INO80D: variants seen among roughly 807,000 people sequenced by gnomAD.
INO80D encodes INO80 complex subunit D.
INO80D carries 21 observed loss-of-function variants against 87.6 expected under a neutral mutation model. The ratio of observed to expected loss-of-function variants is 0.24; its 90% CI spans 0.17 to 0.35. The LOEUF is 0.35. Among genes scored for constraint, INO80D ranks in the 10% least tolerant of loss-of-function variants. The pLI, the probability that INO80D is intolerant of heterozygous loss-of-function variation, is 1.00. For synonymous variants in INO80D, 440 were observed against 491.0 expected (o/e 0.90, Z 1.37); for missense variants, 982 against 1,280.7 (o/e 0.77, Z 3.56).
At position 206,056,482 on chromosome 2, in the gene INO80D, C is replaced by A. The variant is rs769641630; in HGVS notation, c.680G>T (p.Gly227Val). ...AGGTTGAGGTGACTTGCAGACTGAA[C>A]CCTGCGGTGGCGCTGGAGGTTTTAA... is the stretch of plus-strand genomic sequence containing the variant. ...TSLKPPAPPQ[G>V]SVCKSPQPQN... Residue 227 changes from glycine to valine, a missense_variant, in exon 4 of 11, where the codon GGT becomes GTT. Physicochemically the swap from Gly to Val is moderately radical, Grantham distance 109. Coordinates refer to ENST00000403263, the MANE Select transcript of INO80D (RefSeq NM_017759.5). 75 of 1,613,776 alleles carry A rather than the reference C, an allele frequency of 4.6e-5. No homozygotes were observed. The highest frequency in any genetic ancestry group is 2.2e-4 in the South Asian group (20 of 91,074).
At chr2:206,014,564 T>C (rs1402103186) in intron 8 of INO80D, among the ~76,000 whole-genome samples, 3 of 152,182 alleles carry the variant, frequency 2.0e-5, no homozygotes, top group African/African-American at 4.8e-5. Flanking sequence ...ATGTGACTTG[T>C]CCCTCCTTGC....
intron 7 of INO80D, 110 bp downstream of exon 7, chr2:206,019,619 TTTAAACA>T: frequency 1.5e-6 from 1 of 663,794 alleles, no homozygotes; most frequent in Non-Finnish European, 2.4e-6. Context: ...ATAAAATTAT[TTTAAACA>T]TTAAACAGTT....
intron 1 of INO80D, among the ~76,000 whole-genome samples, chr2:206,072,823 T>C (rs774483294): frequency 6.6e-6 from 1 of 151,574 alleles, no homozygotes; most frequent in Non-Finnish European, 1.5e-5. Flanking sequence ...TGTAATAATT[T>C]TATAAAAATC....
At chr2:206,024,486 T>C (rs1688549345) in intron 6 of INO80D, among the ~76,000 whole-genome samples, 1 of 150,776 alleles carries the variant, frequency 6.6e-6, no homozygotes, top group Non-Finnish European at 1.5e-5. Context: ...TCAGGCAAGG[T>C]GATTTGGGTG....
intron 4 of INO80D, among the ~76,000 whole-genome samples, chr2:206,055,404 C>CTGTATT (rs1360671688): frequency 1.3e-5 from 2 of 152,172 alleles, no homozygotes; most frequent in Admixed American, 6.5e-5. Flanking sequence ...CAAGTTTTCC[C>CTGTATT]TGTATTTTCT....
At position 206,004,342 on chromosome 2, in the gene INO80D, A is replaced by C. The variant is rs1575787074; in HGVS notation, c.*26T>G. 6.4e-7 allele frequency: 1 copy of C among 1,556,552 alleles called. No individual in the cohort carries two copies. The highest frequency in any genetic ancestry group is 1.2e-5 in the South Asian group (1 of 84,902). ...AAAGATAGAAAACACTGGGTTCCCC[A>C]CCTGCCTGCAAACACACAGACACCC... On this transcript the variant is annotated 3_prime_UTR_variant, in exon 11 of 11. Coordinates refer to ENST00000403263, the MANE Select transcript of INO80D (RefSeq NM_017759.5). The surrounding 1 kb of genome is among the most constrained non-coding windows in gnomAD (Gnocchi z 4.9).
chr2:206,007,832 AC>A (rs113884481), intron 9 of INO80D: 90,715 of 147,348 alleles, frequency 0.62, 28,359 homozygotes, highest in South Asian at 0.8. Flanking sequence ...AAAAAAAAAA[AC>A]AACCAAAATC....
chr2:206,019,855 G>T lies in INO80D; in HGVS notation c.1299-10C>A. Reference sequence around the variant, plus strand: ...CTTGGTCCGGCTTATGCTAAGGAAAGAAAAACAGAGAATTAATTTTTTTTT... The same window carrying T: ...CTTGGTCCGGCTTATGCTAAGGAAATAAAAACAGAGAATTAATTTTTTTTT... On this transcript the variant is annotated splice_polypyrimidine_tract_variant and intron_variant, in intron 6 of 10. Coordinates refer to ENST00000403263, the MANE Select transcript of INO80D (RefSeq NM_017759.5). 1 of 1,599,026 alleles carries T rather than the reference G, an allele frequency of 6.3e-7. No individual in the cohort carries two copies. The highest frequency in any genetic ancestry group is 8.5e-7 in the Non-Finnish European group (1 of 1,171,550).
chr2:206,013,180 G>A (rs1161018290), intron 8 of INO80D, among the ~76,000 whole-genome samples: 1 of 152,008 alleles, frequency 6.6e-6, no homozygotes, highest in Non-Finnish European at 1.5e-5. Context: ...TTGCCTCATT[G>A]AATTTGCCTA....
intron 8 of INO80D, among the ~76,000 whole-genome samples, chr2:206,011,472 C>G (rs977729017): frequency 6.6e-6 from 1 of 152,214 alleles, no homozygotes; most frequent in East Asian, 1.9e-4. Context: ...CCCCCACCCC[C>G]TGAGGCTTTC....
rs1241646256 is a variant in INO80D, at chr2:206,003,921, G to A, written c.*447C>T. The A allele has an allele frequency of 2.2e-5, 4 of 181,766 alleles. No individual in the cohort carries two copies. Among genetic ancestry groups the A allele is most frequent in the Non-Finnish European group, 3.6e-5 (3 of 83,730 alleles). 11.3% of individuals were successfully genotyped at this position (181,766 alleles called of 1,614,324 possible). On this transcript the variant is annotated 3_prime_UTR_variant, in exon 11 of 11. Coordinates refer to ENST00000403263, the MANE Select transcript of INO80D (RefSeq NM_017759.5). The stretch of plus-strand genomic sequence containing the variant: ...TGGTGCTAGGTCAGAATCTTGACCT[G>A]CCACACACCATTTGCTGTCTCTTAT...
intron 1 of INO80D, among the ~76,000 whole-genome samples, chr2:206,073,204 A>G (rs1047324977): frequency 2.0e-5 from 3 of 152,188 alleles, no homozygotes; most frequent in African/African-American, 4.8e-5. Context: ...AAACAGATCA[A>G]TATCTGGTCT....
chr2:206,065,836 A>T (rs570637610), intron 1 of INO80D, among the ~76,000 whole-genome samples: 2 of 152,330 alleles, frequency 1.3e-5, no homozygotes, highest in South Asian at 2.1e-4. Context: ...AAATTGGGGT[A>T]AGGTATCCTC....
intron 3 of INO80D, among the ~76,000 whole-genome samples, chr2:206,057,249 T>C (rs1315486424): frequency 1.3e-5 from 2 of 152,206 alleles, no homozygotes; most frequent in Non-Finnish European, 2.9e-5. Context: ...TTATTCTCTA[T>C]TCATAGCATA....
chr2:205,998,420 G>A lies in INO80D; in HGVS notation c.*5948C>T. On this transcript the variant is annotated 3_prime_UTR_variant, in exon 11 of 11. Coordinates refer to ENST00000403263, the MANE Select transcript of INO80D (RefSeq NM_017759.5). ...CACCTTGACACGGCAGAGATCCAGT[G>A]TAAAAAGGTGCTTCACTAGTTTGTT... The A allele has an allele frequency of 7.8e-6, 1 of 128,246 alleles. No homozygotes were observed. The highest frequency in any genetic ancestry group is 2.8e-4 in the South Asian group (1 of 3,596). 7.9% of individuals were successfully genotyped at this position (128,246 alleles called of 1,614,324 possible). A position where few individuals can be genotyped will look rare whatever the true frequency, so the allele number is the denominator to read the frequency against.
rs111836331 is a variant in INO80D, at chr2:206,084,240, TACACACACACAC to T, written c.-124+1649_-124+1660del. ...TTTTTTTTCGTTTAAATGTTATACATACACACACACACACACACACACACACACACACACCCC... is the reference window on the plus strand; with the variant it reads ...TTTTTTTTCGTTTAAATGTTATACATACACACACACACACACACACACCCC... On this transcript the variant is annotated intron_variant, in intron 1 of 10. Coordinates refer to ENST00000403263, the MANE Select transcript of INO80D (RefSeq NM_017759.5). 3.7e-5 allele frequency among the ~76,000 whole-genome samples: 5 copies of T among 135,050 alleles called. No individual in the cohort carries two copies. The East Asian group carries it at 6.3e-4, about 17-fold the overall frequency. The allele number at this position is 135,050 out of a possible 152,430, so 88.6% of individuals were successfully genotyped here. A position where few individuals can be genotyped will look rare whatever the true frequency, so the allele number is the denominator to read the frequency against.
chr2:206,033,683 A>G (rs1688825037), intron 5 of INO80D, among the ~76,000 whole-genome samples: 1 of 152,192 alleles, frequency 6.6e-6, no homozygotes, highest in African/African-American at 2.4e-5. Flanking sequence ...AAGGAAGTAG[A>G]GAAACAAGAA....
At chr2:206,059,411 A>G (rs1484672814) in intron 3 of INO80D, among the ~76,000 whole-genome samples, 2 of 152,094 alleles carry the variant, frequency 1.3e-5, no homozygotes, top group Non-Finnish European at 2.9e-5. Context: ...AAGAACAGAG[A>G]ACCTATTTTT....
chr2:206,056,884 T>C lies in INO80D; in HGVS notation c.278A>G (p.Lys93Arg). Reference sequence around the variant, plus strand: ...CTTCACCTCATCTATAGGATCATTCTTTTTCTTCCTCTCTTTTTTCGGGAT... The same window carrying C: ...CTTCACCTCATCTATAGGATCATTCCTTTTCTTCCTCTCTTTTTTCGGGAT... ...GFIPKKERKK[K>R]NDPIDEVKVR... Residue 93 changes from lysine to arginine, a missense_variant, in exon 4 of 11, where the codon AAG (lysine) becomes AGG (arginine). Coordinates refer to ENST00000403263, the MANE Select transcript of INO80D (RefSeq NM_017759.5). 1 of 1,608,332 alleles carries C rather than the reference T, an allele frequency of 6.2e-7. No individual in the cohort carries two copies. Among genetic ancestry groups the C allele is most frequent in the Non-Finnish European group, 8.5e-7 (1 of 1,176,168 alleles).
Sources: allele counts gnomAD v4.1 joint callset (sites outside exome capture counted in the v4.1 genomes callset), GRCh38; gene constraint gnomAD v4.1.1; non-coding constraint Gnocchi (gnomAD v3.1); transcripts MANE v1.5; gene names NCBI Gene and HGNC (gene_info 2026-07-23, HGNC 2026-07-21).